DSE: variants seen among roughly 807,000 people sequenced by gnomAD.
DSE encodes the protein dermatan sulfate epimerase.
A neutral mutation model predicts 84.4 loss-of-function variants in DSE; 36 were observed. The ratio of observed to expected loss-of-function variants is 0.43; its 90% confidence interval spans 0.33 to 0.56. The LOEUF is 0.56. DSE is among the 20% of genes least tolerant of loss of function. The pLI is 0.06. For synonymous variants in DSE, 410 were observed against 430.1 expected (o/e 0.95, Z 0.58); for missense variants, 862 against 1,169.6 (o/e 0.74, Z 3.84).
At chr6:116,357,960 CAA>C (rs1405503719) in intron 2 of DSE, among the ~76,000 whole-genome samples, 2 of 152,162 alleles carry the variant, frequency 1.3e-5, no homozygotes, top group Admixed American at 6.5e-5. Context: ...GTAATTAACC[CAA>C]GTCACTGATA....
At position 116,436,323 on chromosome 6, in the gene DSE, A is replaced by G. The variant is rs775211758; in HGVS notation, c.1855A>G (p.Met619Val). 18 of 1,614,146 alleles carry G rather than the reference A, an allele frequency of 1.1e-5. No individual in the cohort carries two copies. In the South Asian group the frequency reaches 1.5e-4, roughly 14 times the overall value. ...QRDGLYKMYW[M>V]DDTGYSEKAT... is the part of the protein sequence containing the mutation. ...AGATGGTCTCTATAAAATGTACTGGATGGACGATACTGGCTACAGCGAGAA... is the reference window on the plus strand; with the variant it reads ...AGATGGTCTCTATAAAATGTACTGGGTGGACGATACTGGCTACAGCGAGAA... The change falls in exon 6 of 6, where the codon ATG becomes GTG. Residue 619 changes from methionine (M) to valine (V), a missense_variant. By Grantham distance (21) the Met-to-Val change is conservative (BLOSUM62 1). Transcript: ENST00000644252.
intron 2 of DSE, among the ~76,000 whole-genome samples, chr6:116,315,816 A>G (rs193093402): frequency 3.3e-5 from 5 of 152,324 alleles, no homozygotes; most frequent in African/African-American, 7.2e-5. Context: ...CCTGACCAAC[A>G]TGGTGAAACC....
chr6:116,311,230 A>AT (rs1185594710), intron 2 of DSE, among the ~76,000 whole-genome samples: 2 of 152,058 alleles, frequency 1.3e-5, no homozygotes, highest in Non-Finnish European at 2.9e-5. Context: ...TTTTTACAGC[A>AT]TTTGTCACAA....
At chr6:116,325,461 A>G (rs190449338) in intron 2 of DSE, among the ~76,000 whole-genome samples, 35 of 152,334 alleles carry the variant, frequency 2.3e-4, no homozygotes, top group Non-Finnish European at 4.0e-4. Flanking sequence ...GAATTGTACA[A>G]AATGATTTGT....
At chr6:116,290,587 A>T (rs185134074) in intron 2 of DSE, among the ~76,000 whole-genome samples, 1 of 152,070 alleles carries the variant, frequency 6.6e-6, no homozygotes, top group East Asian at 1.9e-4. Flanking sequence ...TCTAGCAAAT[A>T]AATATTTTAT....
chr6:116,406,552 G>A (rs186708327), intron 2 of DSE, among the ~76,000 whole-genome samples: 3 of 152,234 alleles, frequency 2.0e-5, no homozygotes, highest in Non-Finnish European at 2.9e-5. Context: ...AAATATTCAC[G>A]CCTAACACCA....
At chr6:116,370,939 C>T (rs947766377), upstream of DSE, 5 of 985,306 alleles carry the variant, frequency 5.1e-6, no homozygotes, top group South Asian at 9.4e-5. Context: ...CCCGCCGGCC[C>T]GGCTCTCAGT....
In DSE at chr6:116,437,340, T is replaced by C. The variant is rs1784249933; in HGVS notation, c.2872T>C (p.Cys958Arg). Residue 958 changes from cysteine to arginine, a missense_variant, in exon 6 of 6, where the codon TGT (cysteine) becomes CGT (arginine). Around this residue, in one of 4 missense-constraint regions of DSE, gnomAD observed 315 missense variants for 348.1 expected, o/e 0.90. Coordinates refer to ENST00000644252, the MANE Select transcript of DSE (RefSeq NM_013352.4). ...GTACTCTTCTTGTTCCCAATCACAG[T>C]GTTAGCACTGAAGCTATAAATTACC... ...WLYSSCSQSQ[C>R] The C allele has an allele frequency of 6.3e-7, 1 of 1,597,008 alleles. No homozygotes were observed. The highest frequency in any genetic ancestry group is 2.2e-5 in the East Asian group (1 of 44,704).
At chr6:116,274,299 C>T (rs1163094767) in intron 2 of DSE, among the ~76,000 whole-genome samples, 2 of 152,138 alleles carry the variant, frequency 1.3e-5, no homozygotes, top group Non-Finnish European at 1.5e-5. Flanking sequence ...CAGTGGCTCA[C>T]GCCTGTAATC....
chr6:116,341,194 G>A (rs1014704371), intron 2 of DSE, among the ~76,000 whole-genome samples: 6 of 152,154 alleles, frequency 3.9e-5, no homozygotes, highest in African/African-American at 1.4e-4. Context: ...GACATGAGAT[G>A]GTATCTCATT....
chr6:116,266,528 TG>T (rs1186402152), intron 2 of DSE, among the ~76,000 whole-genome samples: 1 of 152,208 alleles, frequency 6.6e-6, no homozygotes, highest in African/African-American at 2.4e-5. Context: ...TCAAGAATTT[TG>T]AATAGTAATT....
intron 2 of DSE, among the ~76,000 whole-genome samples, chr6:116,410,074 T>C (rs1036139247): frequency 6.6e-6 from 1 of 152,194 alleles, no homozygotes; most frequent in Non-Finnish European, 1.5e-5. Flanking sequence ...ACAAGTACTG[T>C]GAAGCCACTG....
At chr6:116,363,800 C>T (rs537310385) in intron 2 of DSE, among the ~76,000 whole-genome samples, 16 of 152,244 alleles carry the variant, frequency 1.1e-4, no homozygotes, top group Non-Finnish European at 2.2e-4. Context: ...TGATTTCTTT[C>T]AAAAATCAAC....
At chr6:116,421,234 G>C (rs1783051823) in intron 2 of DSE, among the ~76,000 whole-genome samples, 1 of 151,502 alleles carries the variant, frequency 6.6e-6, no homozygotes, top group African/African-American at 2.4e-5. Context: ...TAAACTTTTT[G>C]GACTTGGAAG....
chr6:116,338,770 G>A (rs557393355), intron 2 of DSE, among the ~76,000 whole-genome samples: 1 of 152,264 alleles, frequency 6.6e-6, no homozygotes, highest in African/African-American at 2.4e-5. Flanking sequence ...CCATTTTCCA[G>A]TCAAGTGTTG....
At chr6:116,387,077 G>A (rs1017881876) in intron 1 of DSE, among the ~76,000 whole-genome samples, 1 of 152,138 alleles carries the variant, frequency 6.6e-6, no homozygotes, top group South Asian at 2.1e-4. Context: ...TTTTTGTGGG[G>A]CGCTTCCCCT....
chr6:116,300,935 C>G (rs1469661682), intron 2 of DSE, among the ~76,000 whole-genome samples: 2 of 152,128 alleles, frequency 1.3e-5, no homozygotes, highest in Non-Finnish European at 2.9e-5. Flanking sequence ...TTAATGCAAA[C>G]TTCATGGCCA....
rs1310978186 is a variant in DSE at position 116,428,955 on chromosome 6, C to T, written c.671-1999C>T. ...TGTATTCACAGAGAGTTGCAGTTTA[C>T]AAAGTATTTTGGTAGACATTGCCTC... On this transcript the variant is annotated intron_variant, in intron 3 of 5. Coordinates refer to ENST00000644252, the MANE Select transcript of DSE (RefSeq NM_013352.4). Among the ~76,000 whole-genome samples, 3 of 152,090 alleles carry T rather than the reference C, an allele frequency of 2.0e-5. No individual in the cohort carries two copies. The East Asian group carries it at 5.8e-4, about 29-fold the overall frequency.
At chr6:116,256,651 C>T (rs1418878023) in intron 1 of DSE, 2 of 151,992 alleles carry the variant, frequency 1.3e-5, no homozygotes, top group Admixed American at 6.6e-5. Flanking sequence ...CAGTATAGTC[C>T]AGTTACTATC....
Sources: allele counts gnomAD v4.1 joint callset (sites outside exome capture counted in the v4.1 genomes callset), GRCh38; gene constraint gnomAD v4.1.1; regional missense constraint gnomAD v4.1.1; transcripts MANE v1.5; gene names NCBI Gene and HGNC (gene_info 2026-07-23, HGNC 2026-07-21).